The following TENM2 variants were observed in gnomAD, a reference collection of about 807,000 sequenced individuals.
The protein encoded by TENM2 is teneurin-2.
In TENM2, 52 loss-of-function variants were observed where a neutral mutation model predicts 245.2. The ratio of observed to expected loss-of-function variants is 0.21; its 90% CI spans 0.17 to 0.27. TENM2 has a LOEUF of 0.27. Ranked by LOEUF, TENM2 falls within the 10% of genes least tolerant of loss-of-function variation. TENM2 has a pLI of 1.00. For synonymous variants in TENM2, 1,363 were observed against 1,438.9 expected (o/e 0.95, Z 1.19); for missense variants, 3,046 against 3,666.8 (o/e 0.83, Z 4.37).
intron 2 of TENM2, among the ~76,000 whole-genome samples, chr5:167,520,932 CT>C (rs374211778): frequency 0.39 from 50,967 of 130,316 alleles, 10,230 homozygotes; most frequent in Non-Finnish European, 0.5. Context: ...ATTCTTTTTC[CT>C]TTTTTTTTTT....
At chr5:167,666,859 G>A (rs995884479) in intron 2 of TENM2, among the ~76,000 whole-genome samples, 3 of 152,106 alleles carry the variant, frequency 2.0e-5, no homozygotes, top group Non-Finnish European at 4.4e-5. Context: ...TTAATTTGGG[G>A]GAGAATAAAT....
intron 2 of TENM2, among the ~76,000 whole-genome samples, chr5:167,405,488 G>C (rs1762579473): frequency 6.6e-6 from 1 of 152,010 alleles, no homozygotes. Context: ...TTTATTGAAT[G>C]AGTAATCACA....
chr5:167,131,807 A>ATTTG, the TENM2 span, among the ~76,000 whole-genome samples: 12 of 151,918 alleles, frequency 7.9e-5, no homozygotes, highest in South Asian at 1.2e-3. Context: ...GGTGTTTTTT[A>ATTTG]TTTGTTTGTT....
At chr5:167,403,034 C>T (rs915505926) in intron 2 of TENM2, among the ~76,000 whole-genome samples, 20 of 152,018 alleles carry the variant, frequency 1.3e-4, no homozygotes, top group African/African-American at 4.8e-4. Context: ...GAGGTAAACC[C>T]TTTATGAGGA....
chr5:167,658,150 G>C lies in TENM2; in HGVS notation c.503-217836G>C, dbSNP rs78047534. On this transcript the variant is annotated intron_variant, in intron 2 of 28. Transcript: ENST00000518659. ...AGCAACAGCATTTGAGGTCTGATGA[G>C]GACCTTCTTGCTGTGTCCTCACATG... Among the ~76,000 whole-genome samples, 1,055 of 151,904 alleles carry C rather than the reference G, an allele frequency of 6.9e-3. 11 individuals carry two copies. Among genetic ancestry groups the C allele is most frequent in the African/African-American group, 0.022 (916 of 41,440 alleles).
chr5:167,645,966 AAATGAG>A (rs1779901182), intron 2 of TENM2, among the ~76,000 whole-genome samples: 1 of 151,624 alleles, frequency 6.6e-6, no homozygotes, highest in African/African-American at 2.4e-5. Context: ...TCTTATAATA[AAATGAG>A]AATAAATATG....
chr5:167,155,015 C>T, the TENM2 span, among the ~76,000 whole-genome samples: 1 of 152,096 alleles, frequency 6.6e-6, no homozygotes, highest in Non-Finnish European at 1.5e-5. Context: ...ATCATAACTA[C>T]CTTGATGGTA....
the TENM2 span, among the ~76,000 whole-genome samples, chr5:167,039,918 G>T: frequency 6.6e-6 from 1 of 152,114 alleles, no homozygotes; most frequent in African/African-American, 2.4e-5. Flanking sequence ...AGTTATGTTT[G>T]AAGACATGGC....
Position 168,247,888 on chromosome 5 carries a change from C to T in TENM2, c.6949C>T (p.His2317Tyr). The change falls in exon 27 of 29, where the codon CAC becomes TAC. Residue 2317 changes from histidine (H) to tyrosine (Y), a missense_variant. Coordinates refer to ENST00000518659, the Ensembl canonical transcript of TENM2. The surrounding 1 kb of genome is among the most constrained non-coding windows in gnomAD (Gnocchi z 7.8). The stretch of plus-strand genomic sequence containing the variant: ...GGCTTCCTACAAGACCAACCTGGGC[C>T]ACCACCTGCAGTACTTCTACTCTGA... 6 of 1,613,998 alleles carry T rather than the reference C, an allele frequency of 3.7e-6. No individual in the cohort carries two copies. Among genetic ancestry groups the T allele is most frequent in the Non-Finnish European group, 5.1e-6 (6 of 1,179,896 alleles).
At chr5:167,321,801 T>TTTTTTGG (rs67957514) in intron 1 of TENM2, among the ~76,000 whole-genome samples, 1 of 7,282 alleles carries the variant, frequency 1.4e-4, no homozygotes, top group Non-Finnish European at 2.9e-4. Flanking sequence ...TTTTTTTTTT[T>TTTTTTGG]GGGGGGGGGG....
the TENM2 span, among the ~76,000 whole-genome samples, chr5:167,086,236 T>A: frequency 6.6e-6 from 1 of 152,230 alleles, no homozygotes; most frequent in Non-Finnish European, 1.5e-5. Flanking sequence ...TTTTTGCTTA[T>A]GTTCTCCCTC....
chr5:167,974,409 G>A (rs1782271180), intron 4 of TENM2, among the ~76,000 whole-genome samples: 1 of 139,376 alleles, frequency 7.2e-6, no homozygotes, highest in African/African-American at 2.6e-5. Context: ...AGGAAGGAAG[G>A]AAGGAAAAAG....
At chr5:168,197,442 T>C (rs1761536082) in intron 15 of TENM2, among the ~76,000 whole-genome samples, 1 of 152,186 alleles carries the variant, frequency 6.6e-6, no homozygotes, top group African/African-American at 2.4e-5. Flanking sequence ...GGCTCACATC[T>C]GTAATCCCAG....
intron 12 of TENM2, among the ~76,000 whole-genome samples, chr5:168,143,783 T>A (rs182408512): frequency 1.3e-5 from 2 of 150,988 alleles, no homozygotes; most frequent in Non-Finnish European, 2.9e-5. Flanking sequence ...CTTTCAATGA[T>A]ACCAGTATAA....
At chr5:168,097,978 A>C in intron 8 of TENM2, 48 bp from the exon 11 acceptor site, 2 of 1,414,516 alleles carry the variant, frequency 1.4e-6, no homozygotes, top group South Asian at 2.4e-5. Flanking sequence ...AAATTACTGC[A>C]CCAGTAGACA....
chr5:167,352,228 C>T (rs1282020409), intron 1 of TENM2, among the ~76,000 whole-genome samples: 1 of 152,100 alleles, frequency 6.6e-6, no homozygotes, highest in Non-Finnish European at 1.5e-5. Flanking sequence ...CCAAAGGGAC[C>T]TGCACTCTTT....
At chr5:167,345,131 G>T (rs760340321) in intron 1 of TENM2, among the ~76,000 whole-genome samples, 20 of 152,170 alleles carry the variant, frequency 1.3e-4, no homozygotes, top group Non-Finnish European at 8.8e-5. Context: ...TCTTGGCTTT[G>T]CACTCAATTA....
intron 19 of TENM2, among the ~76,000 whole-genome samples, chr5:168,207,761 C>A (rs1412954698): frequency 1.3e-5 from 2 of 152,138 alleles, no homozygotes; most frequent in Admixed American, 6.5e-5. Flanking sequence ...CACCCCGGAG[C>A]TGAGCCTCTG....
At chr5:167,027,960 A>C in the TENM2 span, among the ~76,000 whole-genome samples, 1 of 150,504 alleles carries the variant, frequency 6.6e-6, no homozygotes, top group African/African-American at 2.4e-5. Flanking sequence ...AATCCCGGCT[A>C]CTCTGGAGGC....
Sources: allele counts gnomAD v4.1 joint callset (sites outside exome capture counted in the v4.1 genomes callset), GRCh38; gene constraint gnomAD v4.1.1; non-coding constraint Gnocchi (gnomAD v3.1); transcripts MANE v1.5; gene names NCBI Gene and HGNC (gene_info 2026-07-23, HGNC 2026-07-21).